Variants in CA10 observed in about 807,000 individuals in gnomAD.
CA10 encodes carbonic anhydrase 10 (inactive).
Under a neutral mutation model 44.2 loss-of-function variants are expected in CA10, and 14 were observed. The observed-to-expected ratio is 0.32, with a 90% CI of 0.21 to 0.50. The LOEUF (loss-of-function observed/expected upper bound fraction) is 0.50. CA10 is among the 20% of genes least tolerant of loss of function. The pLI, the probability that CA10 is intolerant of heterozygous loss-of-function variation, is 0.99. For missense variants in CA10, 350 were observed against 409.7 expected, an observed-to-expected ratio of 0.85 and a Z score of 1.26; for synonymous variants, 159 against 141.6, an observed-to-expected ratio of 1.12 and a Z score of -0.87.
At chr17:52,017,921 T>C (rs1216242947) in intron 2 of CA10, among the ~76,000 whole-genome samples, 1 of 152,156 alleles carries the variant, frequency 6.6e-6, no homozygotes, top group African/African-American at 2.4e-5. Context: ...GGGGCATTGC[T>C]CCCCACTTCC....
At chr17:52,060,756 G>A (rs749581945) in intron 2 of CA10, among the ~76,000 whole-genome samples, 1 of 152,066 alleles carries the variant, frequency 6.6e-6, no homozygotes, top group African/African-American at 2.4e-5. Flanking sequence ...CAGTACTATT[G>A]TCTATCCAAG....
intron 6 of CA10, among the ~76,000 whole-genome samples, chr17:51,648,931 T>C (rs1913447661): frequency 1.3e-5 from 2 of 151,658 alleles, no homozygotes; most frequent in South Asian, 4.1e-4. Flanking sequence ...TACCAATCTA[T>C]GGGATAACGA....
chr17:51,709,824 G>A (rs1203019306), intron 4 of CA10, among the ~76,000 whole-genome samples: 1 of 152,158 alleles, frequency 6.6e-6, no homozygotes, highest in African/African-American at 2.4e-5. Flanking sequence ...CTAGAGCTGG[G>A]CCCCACAGTA....
intron 3 of CA10, among the ~76,000 whole-genome samples, chr17:51,908,945 G>C (rs564140932): frequency 1.3e-5 from 2 of 152,032 alleles, no homozygotes; most frequent in African/African-American, 2.4e-5. Context: ...AGTAAAATAG[G>C]CCACTCTCAC....
chr17:51,901,287 C>T (rs1293803994), intron 3 of CA10, among the ~76,000 whole-genome samples: 11 of 152,086 alleles, frequency 7.2e-5, no homozygotes. Context: ...GGGGCAAAGG[C>T]TCAGCTTAGT....
At chr17:51,933,835 G>A (rs1982757053) in intron 2 of CA10, among the ~76,000 whole-genome samples, 1 of 152,114 alleles carries the variant, frequency 6.6e-6, no homozygotes, top group East Asian at 1.9e-4. Context: ...TTATAAGACT[G>A]CTATTATGTG....
At chr17:52,059,255 A>C (rs889054632) in intron 2 of CA10, among the ~76,000 whole-genome samples, 3 of 152,124 alleles carry the variant, frequency 2.0e-5, no homozygotes, top group Admixed American at 6.5e-5. Flanking sequence ...CTTCCAAACC[A>C]ATCTTAGCAA....
intron 3 of CA10, among the ~76,000 whole-genome samples, chr17:51,832,288 G>A (rs1481170212): frequency 6.6e-6 from 1 of 152,212 alleles, no homozygotes; most frequent in East Asian, 1.9e-4. Flanking sequence ...AGGAGGAGGA[G>A]GAGGACTAGT....
intron 4 of CA10, among the ~76,000 whole-genome samples, chr17:51,733,896 C>T (rs914135643): frequency 1.3e-5 from 2 of 152,082 alleles, no homozygotes; most frequent in African/African-American, 4.8e-5. Flanking sequence ...CAAAATGGTT[C>T]AAGGGGAACC....
chr17:51,903,536 T>C (rs16950722), intron 3 of CA10, among the ~76,000 whole-genome samples: 3,881 of 152,218 alleles, frequency 0.025, 68 homozygotes, highest in Non-Finnish European at 0.037. Context: ...ATCCACAGTG[T>C]TCATAGTAAA....
intron 3 of CA10, among the ~76,000 whole-genome samples, chr17:51,800,888 C>T (rs1043858591): frequency 1.4e-4 from 21 of 152,298 alleles, no homozygotes; most frequent in African/African-American, 4.6e-4. Flanking sequence ...CTTTGACTCC[C>T]AGCCTTCATC....
chr17:52,157,536 C>CG (rs1297112864), intron 1 of CA10, among the ~76,000 whole-genome samples, 190 bp downstream of exon 1: 2 of 147,516 alleles, frequency 1.4e-5, no homozygotes, highest in East Asian at 2.0e-4. Context: ...ACCACCCCCC[C>CG]CCGCAAAACA....
At chr17:51,693,487 CT>C (rs1384969634) in intron 4 of CA10, among the ~76,000 whole-genome samples, 4 of 152,112 alleles carry the variant, frequency 2.6e-5, no homozygotes, top group African/African-American at 9.7e-5. Context: ...TTTTCACCCC[CT>C]ATCCACCCCC....
intron 2 of CA10, among the ~76,000 whole-genome samples, chr17:51,959,700 T>C (rs937652884): frequency 6.8e-5 from 10 of 146,688 alleles, no homozygotes; most frequent in African/African-American, 2.5e-4. Context: ...TACAAAGGAA[T>C]TGAAAACTAA....
chr17:51,865,923 C>T (rs887168616), intron 3 of CA10, among the ~76,000 whole-genome samples: 3 of 152,204 alleles, frequency 2.0e-5, no homozygotes, highest in Non-Finnish European at 4.4e-5. Context: ...AAGATGGGAC[C>T]ATGCACCCCT....
At chr17:52,001,799 CAT>C (rs1226070518) in intron 2 of CA10, among the ~76,000 whole-genome samples, 1 of 152,002 alleles carries the variant, frequency 6.6e-6, no homozygotes, top group Non-Finnish European at 1.5e-5. Flanking sequence ...CTACCATTCA[CAT>C]CTTTCTATGA....
chr17:52,036,728 C>T (rs1986629547), intron 2 of CA10, among the ~76,000 whole-genome samples: 1 of 152,138 alleles, frequency 6.6e-6, no homozygotes, highest in Non-Finnish European at 1.5e-5. Flanking sequence ...AAAGAACTGA[C>T]CACCTAGGGT....
intron 1 of CA10, among the ~76,000 whole-genome samples, chr17:52,149,665 A>G (rs1203274471): frequency 6.6e-6 from 1 of 152,234 alleles, no homozygotes; most frequent in Non-Finnish European, 1.5e-5. Flanking sequence ...CGTAAAATCC[A>G]TGGTCAACAG....
intron 4 of CA10, among the ~76,000 whole-genome samples, chr17:51,681,320 T>G (rs996007502): frequency 6.6e-6 from 1 of 152,234 alleles, no homozygotes; most frequent in African/African-American, 2.4e-5. Flanking sequence ...TCTCTTTGCT[T>G]CAATGAACAC....
Sources: gnomAD v4.1 joint callset for allele counts (sites outside exome capture counted in the v4.1 genomes callset) on GRCh38, gnomAD v4.1.1 for gene constraint, MANE v1.5 for transcripts, NCBI Gene and HGNC (gene_info 2026-07-23, HGNC 2026-07-21) for gene names.